Variants in PRKG1 observed in about 807,000 individuals in gnomAD.
PRKG1 encodes cGMP-dependent protein kinase 1.
A neutral mutation model predicts 88.1 loss-of-function variants in PRKG1; 35 were observed. The observed-to-expected ratio is 0.40, with a 90% confidence interval of 0.30 to 0.53. The LOEUF (loss-of-function observed/expected upper bound fraction) is 0.53. Ranked by LOEUF, PRKG1 falls within the 20% of genes least tolerant of loss-of-function variation. The pLI is 0.59. For synonymous variants in PRKG1, 303 were observed against 292.5 expected (o/e 1.04, Z -0.37); for missense variants, 540 against 839.8 (o/e 0.64, Z 4.41).
chr10:51,076,280 A>C (rs1843949960), intron 1 of PRKG1, among the ~76,000 whole-genome samples: 1 of 152,200 alleles, frequency 6.6e-6, no homozygotes, highest in African/African-American at 2.4e-5. Flanking sequence ...AACATTTCTG[A>C]GATTCTGACC....
intron 4 of PRKG1, among the ~76,000 whole-genome samples, chr10:51,881,423 T>C (rs1402465312): frequency 6.6e-6 from 1 of 152,214 alleles, no homozygotes; most frequent in Non-Finnish European, 1.5e-5. Flanking sequence ...CAGCTGGGGT[T>C]CTACTTATGT....
intron 3 of PRKG1, among the ~76,000 whole-genome samples, chr10:51,596,365 C>T (rs896353346): frequency 6.6e-6 from 1 of 152,176 alleles, no homozygotes; most frequent in Non-Finnish European, 1.5e-5. Flanking sequence ...ATCTTATCTT[C>T]TTCCTAAGGG....
chr10:51,729,706 CA>C (rs34900286), intron 3 of PRKG1, among the ~76,000 whole-genome samples: 325 of 28,754 alleles, frequency 0.011, no homozygotes, highest in South Asian at 0.025. Context: ...GACTCCATCT[CA>C]AAAAAAAAAA....
intron 5 of PRKG1, among the ~76,000 whole-genome samples, chr10:52,010,224 G>C (rs571750924): frequency 2.0e-5 from 3 of 152,178 alleles, no homozygotes; most frequent in African/African-American, 7.2e-5. Context: ...ACTATCAACA[G>C]AGTAAACACA....
intron 2 of PRKG1, among the ~76,000 whole-genome samples, chr10:51,324,702 C>T (rs909067637): frequency 4.3e-4 from 65 of 152,156 alleles, no homozygotes; most frequent in African/African-American, 1.4e-3. Flanking sequence ...GATCGCGCCA[C>T]TGCACTCCAG....
chr10:51,442,743 A>G (rs1265107102), intron 2 of PRKG1, among the ~76,000 whole-genome samples: 1 of 152,042 alleles, frequency 6.6e-6, no homozygotes, highest in Non-Finnish European at 1.5e-5. Flanking sequence ...TTCAACTAAA[A>G]GCATTTACTT....
intron 1 of PRKG1, among the ~76,000 whole-genome samples, chr10:51,012,983 G>A (rs1231404846): frequency 2.6e-5 from 4 of 152,156 alleles, no homozygotes; most frequent in Admixed American, 6.5e-5. Context: ...CAAAGACATC[G>A]GCATGTTTGA....
intron 5 of PRKG1, among the ~76,000 whole-genome samples, chr10:51,938,587 C>A (rs1342411828): frequency 1.3e-5 from 2 of 151,956 alleles, no homozygotes; most frequent in East Asian, 1.9e-4. Context: ...TTTGTATGAT[C>A]CTAATACATA....
chr10:52,054,695 ATGGATCTT>A, intron 6 of PRKG1, 134 bp downstream of exon 6: 1 of 654,288 alleles, frequency 1.5e-6, no homozygotes, highest in Admixed American at 2.9e-5. Context: ...GTATTAGAGA[ATGGATCTT>A]ACAAAAAATG....
chr10:51,288,098 G>A lies in PRKG1; in HGVS notation c.478+134768G>A, dbSNP rs1840487867. The stretch of plus-strand genomic sequence containing the variant: ...AACTGTTCCAATTACACTGCTAGAG[G>A]ATTTTTTTCTTCCTATTTTTTTATT... On this transcript the variant is annotated intron_variant, in intron 2 of 17. Coordinates refer to ENST00000373980, the MANE Select transcript of PRKG1 (RefSeq NM_006258.4). Among the ~76,000 whole-genome samples, 7 of 136,210 alleles carry A rather than the reference G, an allele frequency of 5.1e-5. No homozygotes were observed. The South Asian group carries it at 1.6e-3, about 30-fold the overall frequency. The allele number at this position is 136,210 out of a possible 152,430, so 89.4% of individuals were successfully genotyped here.
chr10:51,220,521 T>TA (rs199856822), intron 2 of PRKG1, among the ~76,000 whole-genome samples: 3,322 of 152,082 alleles, frequency 0.022, 49 homozygotes, highest in Middle Eastern at 0.048. Flanking sequence ...CACGAGGGTG[T>TA]AAAAAATGCA....
At position 52,258,218 on chromosome 10, in the gene PRKG1, T is replaced by C. The variant is rs1460166370; in HGVS notation, c.1173+6552T>C. On this transcript the variant is annotated intron_variant, in intron 10 of 17. Coordinates refer to ENST00000373980, the MANE Select transcript of PRKG1 (RefSeq NM_006258.4). ...TCTCCTCTAAACCTGCATATGATTT[T>C]AGAATAATCACTATAAATCTAGAAT... Among the ~76,000 whole-genome samples the C allele has an allele frequency of 2.2e-5, 3 of 139,248 alleles. No homozygotes were observed. The East Asian group carries it at 6.2e-4, about 29-fold the overall frequency. 91.4% of individuals were successfully genotyped at this position (139,248 alleles called of 152,430 possible). A position where few individuals can be genotyped will look rare whatever the true frequency, so the allele number is the denominator to read the frequency against.
At chr10:51,415,605 G>T (rs1415040510) in intron 2 of PRKG1, among the ~76,000 whole-genome samples, 1 of 152,134 alleles carries the variant, frequency 6.6e-6, no homozygotes, top group South Asian at 2.1e-4. Context: ...GGCAGAAAAG[G>T]ATTATTGATC....
In PRKG1 at chr10:51,848,346, A is replaced by G. The variant is rs538692690; in HGVS notation, c.698+43656A>G. Among the ~76,000 whole-genome samples the G allele has an allele frequency of 3.9e-5, 6 of 152,208 alleles. No homozygotes were observed. The East Asian group carries it at 1.2e-3, about 29-fold the overall frequency. Reference sequence around the variant, plus strand: ...AACTAGTGAAATAAAAACAAACTCCACCTCCAAACCTTAGTTTCAAAAGCA... The same window carrying G: ...AACTAGTGAAATAAAAACAAACTCCGCCTCCAAACCTTAGTTTCAAAAGCA... On this transcript the variant is annotated intron_variant, in intron 4 of 17. Coordinates refer to ENST00000373980, the MANE Select transcript of PRKG1 (RefSeq NM_006258.4).
intron 2 of PRKG1, among the ~76,000 whole-genome samples, chr10:51,352,760 A>T (rs1001923846): frequency 3.9e-5 from 6 of 152,144 alleles, no homozygotes; most frequent in African/African-American, 7.2e-5. Context: ...TAGAAAAAAA[A>T]TCCTAAAATT....
chr10:51,636,488 G>A (rs181237795), intron 3 of PRKG1, among the ~76,000 whole-genome samples: 2 of 152,314 alleles, frequency 1.3e-5, no homozygotes, highest in Admixed American at 6.5e-5. Flanking sequence ...ACATCTCCAT[G>A]AGAACACAGC....
rs112721472 is a variant in PRKG1 at position 51,272,407 on chromosome 10, A to G, written c.478+119077A>G. Among the ~76,000 whole-genome samples the G allele has an allele frequency of 6.9e-3, 1,049 of 152,194 alleles. 10 individuals are homozygous for G. The highest frequency in any genetic ancestry group is 0.023 in the African/African-American group (954 of 41,508). On this transcript the variant is annotated intron_variant, in intron 2 of 17. Transcript: ENST00000373980. The stretch of plus-strand genomic sequence containing the variant: ...GCATTAGGAGAAATGCCTAATGTAG[A>G]TGATGGGTTGATGGGTGCAGCAAGC...
At chr10:51,131,600 G>GTACATACATACATACC (rs1845569999) in intron 1 of PRKG1, among the ~76,000 whole-genome samples, 1 of 152,012 alleles carries the variant, frequency 6.6e-6, no homozygotes, top group African/African-American at 2.4e-5. Flanking sequence ...ACATACATAC[G>GTACATACATACATACC]TGCATACATA....
At chr10:51,721,043 C>T (rs1294770629) in intron 3 of PRKG1, among the ~76,000 whole-genome samples, 1 of 151,282 alleles carries the variant, frequency 6.6e-6, no homozygotes, top group Non-Finnish European at 1.5e-5. Flanking sequence ...CCTGTCTCTA[C>T]AAAAATAGAC....
Sources: gnomAD v4.1 joint callset for allele counts (sites outside exome capture counted in the v4.1 genomes callset) on GRCh38, gnomAD v4.1.1 for gene constraint, MANE v1.5 for transcripts, NCBI Gene and HGNC (gene_info 2026-07-23, HGNC 2026-07-21) for gene names.